PTPRD: variants seen among roughly 807,000 people sequenced by gnomAD.
PTPRD encodes protein tyrosine phosphatase receptor type D, also known as receptor-type tyrosine-protein phosphatase delta.
In PTPRD, 34 loss-of-function variants were observed where a neutral mutation model predicts 214.5. The ratio of observed to expected loss-of-function variants is 0.16; its 90% CI spans 0.12 to 0.21. PTPRD has a LOEUF of 0.21. PTPRD is among the 10% of genes least tolerant of loss of function. The pLI is 1.00. For missense variants in PTPRD, 2,545 were observed against 2,398.7 expected (o/e 1.06, Z -1.27); for synonymous variants, 1,128 against 845.7 (o/e 1.33, Z -5.79).
At chr9:9,435,242 G>A (rs1040307834) in intron 8 of PTPRD, among the ~76,000 whole-genome samples, 1 of 152,156 alleles carries the variant, frequency 6.6e-6, no homozygotes, top group South Asian at 2.1e-4. Context: ...TGGTTGCGGT[G>A]GCTCACACTT....
At chr9:9,841,013 G>A in intron 5 of PTPRD, among the ~76,000 whole-genome samples, 1 of 152,072 alleles carries the variant, frequency 6.6e-6, no homozygotes, top group East Asian at 1.9e-4. Flanking sequence ...TGCTTTAGCA[G>A]GAAGTTGTTG....
At chr9:10,341,469 T>C (rs1027149797) in intron 2 of PTPRD, among the ~76,000 whole-genome samples, 1 of 151,954 alleles carries the variant, frequency 6.6e-6, no homozygotes, top group Non-Finnish European at 1.5e-5. Context: ...ATTAGAGTGA[T>C]CAGACATTAA....
intron 11 of PTPRD, among the ~76,000 whole-genome samples, chr9:8,807,864 G>C (rs1264532519): frequency 1.3e-5 from 2 of 152,080 alleles, no homozygotes; most frequent in Non-Finnish European, 2.9e-5. Flanking sequence ...GGCAACAGTG[G>C]TATGTATGGC....
intron 30 of PTPRD, among the ~76,000 whole-genome samples, chr9:8,483,444 A>AAACTATGAC (rs2096930172): frequency 6.6e-6 from 1 of 152,190 alleles, no homozygotes; most frequent in Non-Finnish European, 1.5e-5. Flanking sequence ...CTTATTCCAT[A>AAACTATGAC]AACTATGACA....
At chr9:10,482,574 C>A (rs2099107772) in intron 2 of PTPRD, among the ~76,000 whole-genome samples, 2 of 151,894 alleles carry the variant, frequency 1.3e-5, no homozygotes, top group Non-Finnish European at 1.5e-5. Flanking sequence ...TTGGAGAAGA[C>A]CCCTCAAAAA....
At chr9:8,959,658 A>G (rs144188089) in intron 11 of PTPRD, among the ~76,000 whole-genome samples, 1 of 152,154 alleles carries the variant, frequency 6.6e-6, no homozygotes, top group East Asian at 1.9e-4. Flanking sequence ...CTATATTTAG[A>G]TGCAGTAAGT....
intron 14 of PTPRD, among the ~76,000 whole-genome samples, chr9:8,531,161 T>G (rs1208667703): frequency 6.6e-6 from 1 of 151,956 alleles, no homozygotes; most frequent in Non-Finnish European, 1.5e-5. Flanking sequence ...CAAGCAGAGG[T>G]CTACAGTAGA....
At chr9:9,750,181 A>T (rs912055395) in intron 6 of PTPRD, among the ~76,000 whole-genome samples, 1 of 152,200 alleles carries the variant, frequency 6.6e-6, no homozygotes, top group Non-Finnish European at 1.5e-5. Context: ...CCTAAATGCA[A>T]TCAAAGGTGA....
intron 4 of PTPRD, among the ~76,000 whole-genome samples, chr9:9,945,212 G>A (rs995020125): frequency 6.6e-6 from 1 of 152,092 alleles, no homozygotes; most frequent in African/African-American, 2.4e-5. Flanking sequence ...GTTGTAAGAT[G>A]CCCGTTAGGC....
intron 5 of PTPRD, among the ~76,000 whole-genome samples, chr9:9,935,738 T>C (rs1039775107): frequency 7.1e-6 from 1 of 140,260 alleles, no homozygotes; most frequent in Non-Finnish European, 1.5e-5. Context: ...TTAAAGTTCA[T>C]ATGGAACCAA....
At chr9:8,497,334 C>G in intron 25 of PTPRD, 66 bp from the exon 26 acceptor site, 9 of 1,366,676 alleles carry the variant, frequency 6.6e-6, no homozygotes, top group Non-Finnish European at 9.0e-6. Context: ...AAGCCTTATA[C>G]AGGCAGTGTT....
At chr9:9,525,712 G>A (rs1196980238) in intron 8 of PTPRD, among the ~76,000 whole-genome samples, 1 of 151,638 alleles carries the variant, frequency 6.6e-6, no homozygotes, top group Non-Finnish European at 1.5e-5. Context: ...ATAAGGCAGA[G>A]AAAGTCAAAT....
At chr9:8,867,536 A>C (rs1441701252) in intron 11 of PTPRD, among the ~76,000 whole-genome samples, 1 of 151,986 alleles carries the variant, frequency 6.6e-6, no homozygotes, top group Non-Finnish European at 1.5e-5. Context: ...CAACTGTTTT[A>C]TTTTTTCCTT....
chr9:9,784,133 G>T (rs1322709416), intron 5 of PTPRD, among the ~76,000 whole-genome samples: 2 of 152,068 alleles, frequency 1.3e-5, no homozygotes, highest in African/African-American at 4.8e-5. Flanking sequence ...AGCCATATTT[G>T]CTGTTAATGT....
intron 3 of PTPRD, among the ~76,000 whole-genome samples, chr9:10,252,737 A>G (rs1184678350): frequency 6.6e-6 from 1 of 152,154 alleles, no homozygotes; most frequent in South Asian, 2.1e-4. Context: ...AATATATTTC[A>G]GAATTAGTTT....
intron 2 of PTPRD, among the ~76,000 whole-genome samples, chr9:10,603,370 G>T (rs955349642): frequency 4.6e-5 from 7 of 151,774 alleles, no homozygotes; most frequent in Admixed American, 3.9e-4. Context: ...CTGTCCTCCT[G>T]CATTCACATT....
chr9:9,206,615 G>C (rs1428359630), intron 9 of PTPRD, among the ~76,000 whole-genome samples: 2 of 152,180 alleles, frequency 1.3e-5, no homozygotes, highest in Non-Finnish European at 2.9e-5. Flanking sequence ...AGTGTGGCTA[G>C]AATAAAGCAG....
At chr9:8,507,011 T>C (rs981474231) in intron 22 of PTPRD, among the ~76,000 whole-genome samples, 3 of 152,146 alleles carry the variant, frequency 2.0e-5, no homozygotes, top group Non-Finnish European at 4.4e-5. Flanking sequence ...CATAACCTGA[T>C]ACATCTATGG....
intron 7 of PTPRD, among the ~76,000 whole-genome samples, chr9:9,677,811 T>C (rs138039269): frequency 0.014 from 2,143 of 152,220 alleles, 47 homozygotes; most frequent in African/African-American, 0.049. Flanking sequence ...ATTGTATATC[T>C]AGAAAACCCT....
Sources: allele counts gnomAD v4.1 joint callset (sites outside exome capture counted in the v4.1 genomes callset), GRCh38; gene constraint gnomAD v4.1.1; transcripts MANE v1.5; gene names NCBI Gene and HGNC (gene_info 2026-07-23, HGNC 2026-07-21).